TRIM71: variants seen among roughly 807,000 people sequenced by gnomAD.
The protein encoded by TRIM71 is tripartite motif containing 71.
A neutral mutation model predicts 61.2 loss-of-function variants in TRIM71; 9 were observed. The ratio of observed to expected loss-of-function variants is 0.15; its 90% CI spans 0.09 to 0.26. TRIM71 has a LOEUF of 0.26. Among genes scored for constraint, TRIM71 ranks in the 10% least tolerant of loss-of-function variants. The probability of loss-of-function intolerance (pLI) is 1.00; values close to 1 mark genes in which losing one functional copy is unlikely to be tolerated. For missense variants in TRIM71, 998 were observed against 1,238.7 expected (o/e 0.81, Z 2.92); for synonymous variants, 645 against 553.2 (o/e 1.17, Z -2.33).
chr3:32,847,927 A>T (rs757529896), intron 1 of TRIM71, among the ~76,000 whole-genome samples: 6 of 152,244 alleles, frequency 3.9e-5, no homozygotes, highest in Non-Finnish European at 8.8e-5. Flanking sequence ...AGTTATTGAC[A>T]TAATATTTAC....
At position 32,897,010 on chromosome 3, in the gene TRIM71, G is replaced by A. The variant is rs564545792; in HGVS notation, c.*5199G>A. ...TTTTTTTCCCTTTTCTCCTAAAATC[G>A]ATGCAGGTAAGGGTGGGTGGGTAAG... On this transcript the variant is annotated 3_prime_UTR_variant, in exon 4 of 4. Transcript: ENST00000383763. The A allele has an allele frequency of 1.2e-3, 161 of 138,762 alleles. 1 individual carries two copies. Among genetic ancestry groups the A allele is most frequent in the African/African-American group, 3.9e-3 (147 of 37,862 alleles). 8.6% of individuals were successfully genotyped at this position (138,762 alleles called of 1,614,324 possible). A position where few individuals can be genotyped will look rare whatever the true frequency, so the allele number is the denominator to read the frequency against.
At chr3:32,878,272 A>T (rs1266602083) in intron 2 of TRIM71, among the ~76,000 whole-genome samples, 11 of 152,136 alleles carry the variant, frequency 7.2e-5, no homozygotes, top group Admixed American at 6.6e-4. Context: ...TTTTGAAGGG[A>T]ATCTTTTTTT....
chr3:32,890,222 A>G lies in TRIM71; in HGVS notation c.1156-138A>G, dbSNP rs1697009318. The G allele has an allele frequency of 1.2e-5, 15 of 1,223,604 alleles. No homozygotes were observed. In the South Asian group the frequency reaches 1.8e-4, roughly 15 times the overall value. The allele number at this position is 1,223,604 out of a possible 1,614,324, so 75.8% of individuals were successfully genotyped here. A position where few individuals can be genotyped will look rare whatever the true frequency, so the allele number is the denominator to read the frequency against. On this transcript the variant is annotated intron_variant, in intron 3 of 3. Coordinates refer to ENST00000383763, the MANE Select transcript of TRIM71 (RefSeq NM_001039111.3). This position sits in a 1 kb window ranked among gnomAD's most constrained non-coding sequence, Gnocchi z 6.2. ...TTTTGATTTTGCTGCTTTTGAAGAA[A>G]GACAGATGTCTTTTGTAGACCATCC...
At chr3:32,880,509 A>G (rs1222733510) in intron 2 of TRIM71, among the ~76,000 whole-genome samples, 1 of 152,226 alleles carries the variant, frequency 6.6e-6, no homozygotes, top group Non-Finnish European at 1.5e-5. Flanking sequence ...GACTTTAAAG[A>G]GACTCACAAC....
intron 2 of TRIM71, among the ~76,000 whole-genome samples, chr3:32,879,506 C>T (rs1410221873): frequency 6.6e-6 from 1 of 152,014 alleles, no homozygotes; most frequent in African/African-American, 2.4e-5. Flanking sequence ...GCCTGATTAA[C>T]ACCAAAGATC....
intron 1 of TRIM71, among the ~76,000 whole-genome samples, chr3:32,828,303 T>C (rs1696227400): frequency 6.6e-6 from 1 of 152,060 alleles, no homozygotes; most frequent in Admixed American, 6.6e-5. Context: ...GTTGGAAAAA[T>C]GTAAGACTCC....
At chr3:32,881,081 C>T (rs927040078) in intron 2 of TRIM71, among the ~76,000 whole-genome samples, 14 of 152,080 alleles carry the variant, frequency 9.2e-5, no homozygotes, top group South Asian at 2.1e-4. Context: ...TTCAGTGCCA[C>T]GATTTTGGCT....
chr3:32,845,779 T>G (rs1200833200), intron 1 of TRIM71, among the ~76,000 whole-genome samples: 3 of 151,822 alleles, frequency 2.0e-5, no homozygotes, highest in South Asian at 4.2e-4. Flanking sequence ...TGGAGTGATC[T>G]CAGCTCACTG....
At chr3:32,838,407 A>G (rs1374754104) in intron 1 of TRIM71, among the ~76,000 whole-genome samples, 2 of 151,800 alleles carry the variant, frequency 1.3e-5, no homozygotes, top group African/African-American at 4.8e-5. Context: ...TATTTTTAGT[A>G]GAGACGGGGT....
At position 32,889,102 on chromosome 3, in the gene TRIM71, T is replaced by C. The variant is rs538160005; in HGVS notation, c.1156-1258T>C. 2.5e-4 allele frequency among the ~76,000 whole-genome samples: 38 copies of C among 152,354 alleles called. No homozygotes were observed. In the South Asian group the frequency reaches 7.9e-3, roughly 32 times the overall value. On this transcript the variant is annotated intron_variant, in intron 3 of 3. Coordinates refer to ENST00000383763, the MANE Select transcript of TRIM71 (RefSeq NM_001039111.3). Reference sequence around the variant, plus strand: ...CTATCACTATCTGACATGATCCTTATTTCTTCGTTTGCTTTTGAATACTGC... The same window carrying C: ...CTATCACTATCTGACATGATCCTTACTTCTTCGTTTGCTTTTGAATACTGC...
intron 1 of TRIM71, among the ~76,000 whole-genome samples, chr3:32,872,017 A>C (rs1696801898): frequency 6.6e-6 from 1 of 152,066 alleles, no homozygotes; most frequent in African/African-American, 2.4e-5. Flanking sequence ...GGTGGCAGGC[A>C]CCTTTAGTCC....
chr3:32,878,151 G>C (rs1000784644), intron 2 of TRIM71, among the ~76,000 whole-genome samples: 1 of 152,202 alleles, frequency 6.6e-6, no homozygotes, highest in Non-Finnish European at 1.5e-5. Context: ...CTTGATCCAC[G>C]GGCTGTAGAA....
At chr3:32,835,426 G>A (rs1696323670) in intron 1 of TRIM71, among the ~76,000 whole-genome samples, 1 of 152,162 alleles carries the variant, frequency 6.6e-6, no homozygotes, top group Non-Finnish European at 1.5e-5. Context: ...AGAGGAACCC[G>A]GATCAATGAA....
At chr3:32,874,058 C>G in intron 2 of TRIM71, 73 bp downstream of exon 2, 4 of 1,473,800 alleles carry the variant, frequency 2.7e-6, no homozygotes, top group Non-Finnish European at 3.7e-6. Flanking sequence ...CATGGACAGA[C>G]AATTGGGCAG....
Position 32,890,997 on chromosome 3 carries a change from G to A in TRIM71, c.1793G>A (p.Ser598Asn), listed in dbSNP as rs1368455875. The part of the protein sequence containing the change: ...GIGLPGLSFG[S>N]EGDSDGKLCR... ...GGGCTCCCGGGCCTGAGCTTCGGCA[G>A]TGAGGGTGACAGCGATGGCAAGCTC... The change falls in exon 4 of 4, where the codon AGT becomes AAT. Residue 598 changes from serine (S) to asparagine (N), a missense_variant. Physicochemically the swap from Ser to Asn is conservative, Grantham distance 46. Around this residue, in one of 5 missense-constraint regions of TRIM71, gnomAD observed 291 missense variants for 431.2 expected, o/e 0.67. Coordinates refer to ENST00000383763, the MANE Select transcript of TRIM71 (RefSeq NM_001039111.3). This position sits in a 1 kb window ranked among gnomAD's most constrained non-coding sequence, Gnocchi z 6.2. 1.9e-6 allele frequency: 3 copies of A among 1,614,036 alleles called. No homozygotes were observed. Among genetic ancestry groups the A allele is most frequent in the East Asian group, 2.2e-5 (1 of 44,892 alleles).
At chr3:32,838,522 C>T (rs1008087925) in intron 1 of TRIM71, among the ~76,000 whole-genome samples, 14 of 136,726 alleles carry the variant, frequency 1.0e-4, no homozygotes, top group Admixed American at 3.7e-4. Context: ...TGCACCTGGC[C>T]TTTTTTTTTT....
intron 1 of TRIM71, among the ~76,000 whole-genome samples, chr3:32,868,487 G>A (rs1696762522): frequency 6.6e-6 from 1 of 152,182 alleles, no homozygotes; most frequent in Non-Finnish European, 1.5e-5. Context: ...TACTCATTAA[G>A]TTGTGGTACA....
chr3:32,843,538 A>G (rs1215489246), intron 1 of TRIM71, among the ~76,000 whole-genome samples: 1 of 152,118 alleles, frequency 6.6e-6, no homozygotes, highest in Non-Finnish European at 1.5e-5. Flanking sequence ...CTGGGAAGGA[A>G]ATCTGGGCAG....
At position 32,893,708 on chromosome 3, in the gene TRIM71, A is replaced by G. The variant is rs956998273; in HGVS notation, c.*1897A>G. 4 of 152,232 alleles carry G rather than the reference A, an allele frequency of 2.6e-5. No individual in the cohort carries two copies. Among genetic ancestry groups the G allele is most frequent in the African/African-American group, 9.6e-5 (4 of 41,470 alleles). 9.4% of individuals were successfully genotyped at this position (152,232 alleles called of 1,614,324 possible). On this transcript the variant is annotated 3_prime_UTR_variant, in exon 4 of 4. Transcript: ENST00000383763. ...AGCAATTTGTTTCTGTTATCCCAAT[A>G]GAAAAGGAGATGATGGGGACAGTGT...
Sources: allele counts gnomAD v4.1 joint callset (sites outside exome capture counted in the v4.1 genomes callset), GRCh38; gene constraint gnomAD v4.1.1; regional missense constraint gnomAD v4.1.1; non-coding constraint Gnocchi (gnomAD v3.1); transcripts MANE v1.5; gene names NCBI Gene and HGNC (gene_info 2026-07-23, HGNC 2026-07-21).